Variants in VRK2 observed in about 807,000 individuals in gnomAD.
VRK2 encodes the protein serine/threonine-protein kinase VRK2.
A neutral mutation model predicts 57.6 loss-of-function variants in VRK2; 60 were observed. That is an observed-to-expected ratio of 1.04 (90% CI 0.85 to 1.29). The LOEUF (loss-of-function observed/expected upper bound fraction) is 1.29, where lower values mean the gene tolerates loss of function less well. VRK2 is among the 50% of genes most tolerant of loss of function. VRK2 has a pLI of 0.00. For synonymous variants in VRK2, 231 were observed against 199.2 expected (o/e 1.16, Z -1.35); for missense variants, 705 against 588.1 (o/e 1.20, Z -2.06).
chr2:58,007,784 A>G (rs1385968419), intron 1 of VRK2, among the ~76,000 whole-genome samples: 1 of 152,122 alleles, frequency 6.6e-6, no homozygotes, highest in Non-Finnish European at 1.5e-5. Flanking sequence ...GTATGCCTAT[A>G]TTAAGAGAAA....
At chr2:58,107,740 A>G in intron 7 of VRK2, among the ~76,000 whole-genome samples, 1 of 152,196 alleles carries the variant, frequency 6.6e-6, no homozygotes, top group East Asian at 1.9e-4. Flanking sequence ...TAGTAAACAA[A>G]TGTGATTTAA....
At chr2:57,998,852 T>C (rs1673002630) in intron 1 of VRK2, among the ~76,000 whole-genome samples, 1 of 152,214 alleles carries the variant, frequency 6.6e-6, no homozygotes, top group Non-Finnish European at 1.5e-5. Flanking sequence ...ATAACACAGA[T>C]GCCTTTGCTA....
chr2:57,964,729 T>C (rs1477930419), intron 1 of VRK2, among the ~76,000 whole-genome samples: 2 of 151,698 alleles, frequency 1.3e-5, no homozygotes, highest in Non-Finnish European at 2.9e-5. Flanking sequence ...CTACTAAAAA[T>C]ACAAAAATTA....
intron 3 of VRK2, among the ~76,000 whole-genome samples, chr2:58,040,724 A>G (rs1674422654): frequency 6.6e-6 from 1 of 152,188 alleles, no homozygotes; most frequent in African/African-American, 2.4e-5. Flanking sequence ...ACTTCCACCT[A>G]GTTCATTAGG....
At chr2:58,058,873 C>T (rs1219835477) in intron 2 of VRK2, among the ~76,000 whole-genome samples, 2 of 152,046 alleles carry the variant, frequency 1.3e-5, no homozygotes, top group Non-Finnish European at 2.9e-5. Context: ...TATATTTGGA[C>T]TCTGGTCCCT....
At chr2:58,137,462 G>C (rs1271050208) in intron 10 of VRK2, among the ~76,000 whole-genome samples, 1 of 151,478 alleles carries the variant, frequency 6.6e-6, no homozygotes, top group African/African-American at 2.4e-5. Context: ...CCCAGTTTTT[G>C]TTTCTTAGCA....
intron 2 of VRK2, among the ~76,000 whole-genome samples, chr2:58,083,691 A>G (rs1274541957): frequency 6.6e-6 from 1 of 151,850 alleles, no homozygotes; most frequent in African/African-American, 2.4e-5. Flanking sequence ...AATTGAATCA[A>G]TGGATTTTAC....
chr2:57,972,244 G>GTTTA (rs780126704), intron 1 of VRK2, among the ~76,000 whole-genome samples: 1 of 151,086 alleles, frequency 6.6e-6, no homozygotes, highest in Admixed American at 6.6e-5. Context: ...CATGTTTTTT[G>GTTTA]TTTGTTTGTT....
At chr2:58,102,492 TAA>T (rs570889511) in intron 7 of VRK2, among the ~76,000 whole-genome samples, 12 of 105,338 alleles carry the variant, frequency 1.1e-4, no homozygotes, top group South Asian at 3.0e-4. Flanking sequence ...CAAAAACAGT[TAA>T]AAAAAAAAAA....
upstream of VRK2, among the ~76,000 whole-genome samples, chr2:58,046,184 T>G (rs1042419461): frequency 6.6e-6 from 1 of 152,158 alleles, no homozygotes; most frequent in African/African-American, 2.4e-5. Flanking sequence ...CTTAATAAAG[T>G]CCTCACCTTA....
At chr2:57,938,022 G>C (rs999911781) in intron 1 of VRK2, among the ~76,000 whole-genome samples, 1 of 151,790 alleles carries the variant, frequency 6.6e-6, no homozygotes, top group Non-Finnish European at 1.5e-5. Context: ...GGTAGAGACA[G>C]GTTTTCACCA....
intron 1 of VRK2, among the ~76,000 whole-genome samples, chr2:57,967,591 G>A (rs912962735): frequency 6.6e-6 from 1 of 152,032 alleles, no homozygotes; most frequent in Non-Finnish European, 1.5e-5. Flanking sequence ...AAAATCTTGC[G>A]TGAGGCAGTT....
intron 7 of VRK2, among the ~76,000 whole-genome samples, chr2:58,117,919 G>T (rs1676772669): frequency 6.6e-6 from 1 of 152,078 alleles, no homozygotes; most frequent in Non-Finnish European, 1.5e-5. Context: ...ACAGAGAAGG[G>T]GTAGGGGTTC....
At chr2:57,919,830 A>T (rs759313554) in intron 1 of VRK2, among the ~76,000 whole-genome samples, 3 of 152,154 alleles carry the variant, frequency 2.0e-5, no homozygotes, top group Non-Finnish European at 2.9e-5. Context: ...ATTTTTTTTT[A>T]AAAAGTATCT....
chr2:57,972,601 T>A, intron 1 of VRK2, among the ~76,000 whole-genome samples: 1 of 151,860 alleles, frequency 6.6e-6, no homozygotes. Flanking sequence ...ACAGAATAGA[T>A]TCATTTGTCT....
intron 1 of VRK2, among the ~76,000 whole-genome samples, chr2:58,024,262 T>C (rs1385692669): frequency 1.3e-5 from 2 of 152,210 alleles, no homozygotes; most frequent in South Asian, 2.1e-4. Flanking sequence ...AATTATAGTT[T>C]CTGTGAATCG....
chr2:57,961,316 C>A (rs111904527), intron 1 of VRK2, among the ~76,000 whole-genome samples: 21 of 152,232 alleles, frequency 1.4e-4, no homozygotes, highest in African/African-American at 5.1e-4. Context: ...CAGAAGCAGC[C>A]TATGCAAACT....
intron 2 of VRK2, among the ~76,000 whole-genome samples, chr2:58,057,348 T>G (rs1381405824): frequency 6.6e-6 from 1 of 152,162 alleles, no homozygotes; most frequent in Non-Finnish European, 1.5e-5. Context: ...GATAAAAGTA[T>G]GTGTTTATTC....
intron 2 of VRK2, among the ~76,000 whole-genome samples, chr2:58,078,452 A>G (rs755434547): frequency 3.9e-5 from 6 of 152,104 alleles, no homozygotes; most frequent in South Asian, 2.1e-4. Flanking sequence ...TAATGCTGCT[A>G]TGAGCATGGG....
Sources: gnomAD v4.1 joint callset for allele counts (sites outside exome capture counted in the v4.1 genomes callset) on GRCh38, gnomAD v4.1.1 for gene constraint, MANE v1.5 for transcripts, NCBI Gene and HGNC (gene_info 2026-07-23, HGNC 2026-07-21) for gene names.